Variants in DOK7 observed in about 807,000 individuals in gnomAD.
DOK7 encodes the protein docking protein 7.
Under a neutral mutation model 30.7 loss-of-function variants are expected in DOK7, and 32 were observed. The ratio of observed to expected loss-of-function variants is 1.04; its 90% CI spans 0.79 to 1.40. The LOEUF (loss-of-function observed/expected upper bound fraction) is 1.40, where lower values mean the gene tolerates loss of function less well. Among genes scored for constraint, DOK7 ranks in the 40% most tolerant of loss-of-function variants. The pLI is 0.00. For synonymous variants in DOK7, 447 were observed against 324.1 expected (o/e 1.38, Z -4.07); for missense variants, 1,007 against 699.2 (o/e 1.44, Z -4.97).
intron 2 of DOK7, among the ~76,000 whole-genome samples, chr4:3,470,639 G>A (rs2344207): frequency 0.13 from 19,217 of 152,226 alleles, 1,333 homozygotes; most frequent in Middle Eastern, 0.17. Flanking sequence ...GCCAGGAGTC[G>A]GCTCACTGTG....
At chr4:3,485,420 A>C in intron 4 of DOK7, 119 bp from the exon 5 acceptor site, 1 of 1,326,964 alleles carries the variant, frequency 7.5e-7, no homozygotes, top group South Asian at 1.9e-5. Context: ...TCGTGGGGCC[A>C]GGCAGGGTGT....
At chr4:3,472,615 A>G (rs545043245) in intron 2 of DOK7, among the ~76,000 whole-genome samples, 1 of 152,354 alleles carries the variant, frequency 6.6e-6, no homozygotes, top group East Asian at 1.9e-4. Context: ...TGGTTTGCCC[A>G]AGGCCACACA....
chr4:3,483,664 G>A (rs1280641570), intron 4 of DOK7, among the ~76,000 whole-genome samples: 1 of 152,202 alleles, frequency 6.6e-6, no homozygotes, highest in Non-Finnish European at 1.5e-5. Context: ...GTTTTTTATA[G>A]TCGGGGGACT....
At chr4:3,494,985 T>C (rs978338357), downstream of DOK7, among the ~76,000 whole-genome samples, 6 of 152,214 alleles carry the variant, frequency 3.9e-5, no homozygotes, top group Non-Finnish European at 7.4e-5. Context: ...TGTCAGGGAC[T>C]GACTCTGAGC....
At chr4:3,472,023 G>C (rs988228647) in intron 2 of DOK7, among the ~76,000 whole-genome samples, 3 of 152,264 alleles carry the variant, frequency 2.0e-5, no homozygotes, top group Non-Finnish European at 1.5e-5. Flanking sequence ...AGCAAGGGTG[G>C]CGGTGCTGAG....
intron 5 of DOK7, among the ~76,000 whole-genome samples, chr4:3,489,275 C>T (rs1250251167): frequency 6.6e-6 from 1 of 152,080 alleles, no homozygotes; most frequent in East Asian, 1.9e-4. Context: ...GAGAAATGGG[C>T]ACCGTGAATG....
intron 2 of DOK7, among the ~76,000 whole-genome samples, chr4:3,465,806 G>A (rs184107950): frequency 3.3e-5 from 5 of 152,334 alleles, no homozygotes; most frequent in African/African-American, 7.2e-5. Context: ...GCGTGTCTGC[G>A]TCCCCTCTCT....
At chr4:3,484,531 A>G in intron 4 of DOK7, 1 of 985,504 alleles carries the variant, frequency 1.0e-6, no homozygotes, top group Non-Finnish European at 1.2e-6. Flanking sequence ...GGGTGCAGCC[A>G]GCCCAGTGGC....
chr4:3,480,665 C>T (rs1056722515), intron 4 of DOK7, among the ~76,000 whole-genome samples: 4 of 152,218 alleles, frequency 2.6e-5, no homozygotes, highest in Admixed American at 6.5e-5. Flanking sequence ...TACATGAACG[C>T]GGCATCTGCC....
chr4:3,490,980 C>CTCCTGCTCATTCATTCCTTCCTTCTTCT (rs371033040), intron 6 of DOK7, among the ~76,000 whole-genome samples: 32 of 114,846 alleles, frequency 2.8e-4, no homozygotes, highest in African/African-American at 9.4e-4. Flanking sequence ...CTTCATTTCC[C>CTCCTGCTCATTCATTCCTTCCTTCTTCT]TCCTGCTCAT....
At chr4:3,490,116 A>ATTCC (rs1728139716) in intron 6 of DOK7, among the ~76,000 whole-genome samples, 3 of 71,400 alleles carry the variant, frequency 4.2e-5, no homozygotes, top group African/African-American at 9.4e-5. Context: ...ACCCCCATTC[A>ATTCC]TTCCTTTTCT....
rs753417285 is a variant in DOK7, at chr4:3,492,715, C to T, written c.773-44C>T. ...AGGCATCAGCCACGTCCTGCCCAGACCCCTGTACCCCCACAACTGCCTTGG... is the reference window on the plus strand; with the variant it reads ...AGGCATCAGCCACGTCCTGCCCAGATCCCTGTACCCCCACAACTGCCTTGG... On this transcript the variant is annotated intron_variant, in intron 6 of 6. Coordinates refer to ENST00000340083, the MANE Select transcript of DOK7 (RefSeq NM_173660.5). 28 of 1,587,582 alleles carry T rather than the reference C, an allele frequency of 1.8e-5. No individual in the cohort carries two copies. The South Asian group carries it at 3.0e-4, about 17-fold the overall frequency.
chr4:3,467,174 A>G (rs1216740364), intron 2 of DOK7, among the ~76,000 whole-genome samples: 1 of 145,778 alleles, frequency 6.9e-6, no homozygotes, highest in Non-Finnish European at 1.5e-5. Context: ...CATCGTGTTC[A>G]GTGTGGGCGG....
intron 1 of DOK7, 21 bp downstream of exon 1, chr4:3,463,450 CGGGG>C (rs71180187): frequency 1.1e-5 from 14 of 1,229,718 alleles, no homozygotes; most frequent in South Asian, 1.8e-5. Context: ...GTCGGGGGCG[CGGGG>C]GGGGGGGGCG....
chr4:3,500,058 G>A (rs76371512), intron 6 of DOK7, among the ~76,000 whole-genome samples: 3 of 151,994 alleles, frequency 2.0e-5, no homozygotes, highest in Admixed American at 6.5e-5. Flanking sequence ...GACAGTGTGG[G>A]GGGGGCCTCA....
chr4:3,484,052 G>A (rs1203031703), intron 4 of DOK7, among the ~76,000 whole-genome samples: 3 of 152,188 alleles, frequency 2.0e-5, no homozygotes, highest in South Asian at 2.1e-4. Flanking sequence ...AAGCTCTATC[G>A]GGCCAGAAGG....
intron 2 of DOK7, among the ~76,000 whole-genome samples, chr4:3,468,834 TGTGC>T (rs1331190765): frequency 6.6e-6 from 1 of 150,806 alleles, no homozygotes; most frequent in African/African-American, 2.4e-5. Context: ...GGAGTGTGTG[TGTGC>T]GTGTATGTGT....
chr4:3,465,289 G>C (rs1189433344), intron 2 of DOK7, among the ~76,000 whole-genome samples: 1 of 152,212 alleles, frequency 6.6e-6, no homozygotes, highest in East Asian at 1.9e-4. Flanking sequence ...CAGAGGCCCT[G>C]ATGCCTCTTC....
Position 3,493,316 on chromosome 4 carries a change from TCTGG to T in DOK7, c.1339_1342del (p.Leu447AlafsTer8), listed in dbSNP as rs606231131. 1.2e-6 allele frequency: 2 copies of T among 1,604,698 alleles called. No individual in the cohort carries two copies. The highest frequency in any genetic ancestry group is 1.7e-6 in the Non-Finnish European group (2 of 1,176,008). On this transcript the variant is annotated frameshift_variant, in exon 7 of 7. Transcript: ENST00000340083. LOFTEE classifies it low-confidence loss of function (END_TRUNC). ...CGGCCAGACGTCCGCCGGGTGTCCC[TCTGG>T]CTGGCTGGGCACGAGACGGCGGGGC...
Sources: gnomAD v4.1 joint callset for allele counts (sites outside exome capture counted in the v4.1 genomes callset) on GRCh38, gnomAD v4.1.1 for gene constraint, MANE v1.5 for transcripts, NCBI Gene and HGNC (gene_info 2026-07-23, HGNC 2026-07-21) for gene names.